The following KDM1B variants were observed in gnomAD, a reference collection of about 807,000 sequenced individuals.
KDM1B encodes lysine-specific histone demethylase 2.
A neutral mutation model predicts 107.4 loss-of-function variants in KDM1B; 63 were observed. The observed-to-expected ratio is 0.59, with a 90% CI of 0.48 to 0.72. The LOEUF is 0.72. Among genes scored for constraint, KDM1B ranks in the 30% least tolerant of loss-of-function variants. KDM1B has a pLI of 0.00. For synonymous variants in KDM1B, 363 were observed against 363.9 expected, an observed-to-expected ratio of 1.00 and a Z score of 0.03; for missense variants, 749 against 1,020.8, an observed-to-expected ratio of 0.73 and a Z score of 3.63.
Position 18,211,628 on chromosome 6 carries a change from G to A in KDM1B, c.1867-860G>A, listed in dbSNP as rs1278550673. On this transcript the variant is annotated intron_variant, in intron 17 of 21. Coordinates refer to ENST00000650836, the MANE Select transcript of KDM1B (RefSeq NM_001364614.2). This position sits in a 1 kb window ranked among gnomAD's most constrained non-coding sequence, Gnocchi z 5.2. ...GTGGTTCTGTATGTGGCATGATTCTGGAGCTGGCAGTAGTAGTAATGGCGT... is the reference window on the plus strand; with the variant it reads ...GTGGTTCTGTATGTGGCATGATTCTAGAGCTGGCAGTAGTAGTAATGGCGT... The A allele has an allele frequency of 6.6e-6, 1 of 152,322 alleles. No individual in the cohort carries two copies. Among genetic ancestry groups the A allele is most frequent in the Non-Finnish European group, 1.5e-5 (1 of 68,088 alleles). The allele number at this position is 152,322 out of a possible 1,614,324, so 9.4% of individuals were successfully genotyped here.
At chr6:18,219,656 G>A (rs1394924513) in intron 21 of KDM1B, among the ~76,000 whole-genome samples, 1 of 152,114 alleles carries the variant, frequency 6.6e-6, no homozygotes, top group Non-Finnish European at 1.5e-5. Flanking sequence ...CTTATTTTGT[G>A]TGCTGCAGTC....
Position 18,171,446 on chromosome 6 carries a change from T to C in KDM1B, c.501T>C (p.Tyr167=), listed in dbSNP as rs778182992. The C allele has an allele frequency of 1.1e-5, 17 of 1,612,260 alleles. No individual in the cohort carries two copies. The South Asian group carries it at 1.5e-4, about 15-fold the overall frequency. Residue 167 remains tyrosine, a synonymous_variant, in exon 7 of 22, where the codon TAT becomes TAC. Coordinates refer to ENST00000650836, the MANE Select transcript of KDM1B (RefSeq NM_001364614.2). The part of the protein sequence containing the change: ...IQLTPQIAKT[Y]RCGMKPNTAI... ...TTACTCCACAGATAGCCAAGACTTA[T>C]CGATGCGGTATGAAACCAAATACTG... is the stretch of plus-strand genomic sequence containing the variant.
rs766165286 is a variant in KDM1B, at chr6:18,200,422, ACTGT to A, written c.1222-10_1222-7del. ...TCTTGTGTCCTATTTAGCTTCCCTGACTGTCTGTCTTTTTAGGTGACTGTCCTGG... is the reference window on the plus strand; with the variant it reads ...TCTTGTGTCCTATTTAGCTTCCCTGACTGTCTTTTTAGGTGACTGTCCTGG... On this transcript the variant is annotated splice_polypyrimidine_tract_variant and intron_variant, in intron 12 of 21. Transcript: ENST00000650836. This position sits in a 1 kb window ranked among gnomAD's most constrained non-coding sequence, Gnocchi z 4.3. The A allele has an allele frequency of 1.1e-5, 18 of 1,612,112 alleles. No homozygotes were observed. Among genetic ancestry groups the A allele is most frequent in the African/African-American group, 2.7e-5 (2 of 74,840 alleles).
At chr6:18,193,052 G>A (rs1418569681) in intron 10 of KDM1B, among the ~76,000 whole-genome samples, 1 of 151,500 alleles carries the variant, frequency 6.6e-6, no homozygotes, top group Non-Finnish European at 1.5e-5. Context: ...TAATTAGCTG[G>A]AGGTGGTGCT....
chr6:18,170,921 T>C (rs191033799), intron 6 of KDM1B, among the ~76,000 whole-genome samples: 2,157 of 150,548 alleles, frequency 0.014, 40 homozygotes, highest in African/African-American at 0.048. Context: ...CCCGGGTTCA[T>C]GCCATTCTCC....
intron 9 of KDM1B, among the ~76,000 whole-genome samples, chr6:18,189,740 A>G (rs1273276803): frequency 6.6e-6 from 1 of 152,218 alleles, no homozygotes; most frequent in Non-Finnish European, 1.5e-5. Context: ...AGACACAGAA[A>G]TAAGGATAAA....
Position 18,205,008 on chromosome 6 carries a change from T to A in KDM1B, c.1532-529T>A, listed in dbSNP as rs1448373082. Among the ~76,000 whole-genome samples, 1 of 152,200 alleles carries A rather than the reference T, an allele frequency of 6.6e-6. No homozygotes were observed. The highest frequency in any genetic ancestry group is 1.9e-4 in the East Asian group (1 of 5,192). The stretch of plus-strand genomic sequence containing the variant: ...CATAGGCAACCAGTAATTGTAGATA[T>A]GGAGGCGGAGTGCTGACAAGATACA... On this transcript the variant is annotated intron_variant, in intron 14 of 21. Coordinates refer to ENST00000650836, the MANE Select transcript of KDM1B (RefSeq NM_001364614.2). The surrounding 1 kb of genome is among the most constrained non-coding windows in gnomAD (Gnocchi z 5.7).
chr6:18,157,269 A>C (rs1033195430), intron 2 of KDM1B, among the ~76,000 whole-genome samples: 2 of 152,220 alleles, frequency 1.3e-5, no homozygotes, highest in Non-Finnish European at 2.9e-5. Context: ...CTGAGAATGG[A>C]TTCATATAAC....
chr6:18,195,271 C>A (rs1013740102), intron 10 of KDM1B, among the ~76,000 whole-genome samples: 4 of 152,022 alleles, frequency 2.6e-5, no homozygotes, highest in Non-Finnish European at 4.4e-5. Flanking sequence ...GTTTTCAGTT[C>A]TTTTTGGTAT....
rs565773256 is a variant in KDM1B at position 18,201,262 on chromosome 6, T to G, written c.1360-224T>G. Among the ~76,000 whole-genome samples, 10 of 152,342 alleles carry G rather than the reference T, an allele frequency of 6.6e-5. No homozygotes were observed. The highest frequency in any genetic ancestry group is 2.0e-4 in the Admixed American group (3 of 15,296). ...ACAATGGGCATGGCGTAGGAGCTGT[T>G]GCTGCCCCTCTCACATTCTCATCAA... On this transcript the variant is annotated intron_variant, in intron 13 of 21. Coordinates refer to ENST00000650836, the MANE Select transcript of KDM1B (RefSeq NM_001364614.2). This position sits in a 1 kb window ranked among gnomAD's most constrained non-coding sequence, Gnocchi z 4.3.
chr6:18,188,224 A>G (rs1197550014), intron 9 of KDM1B, among the ~76,000 whole-genome samples: 1 of 152,212 alleles, frequency 6.6e-6, no homozygotes, highest in Non-Finnish European at 1.5e-5. Context: ...GTCTCTAAAA[A>G]TAAATAAATA....
chr6:18,212,340 G>A lies in KDM1B; in HGVS notation c.1867-148G>A, dbSNP rs527810996. On this transcript the variant is annotated intron_variant, in intron 17 of 21. Transcript: ENST00000650836. This position sits in a 1 kb window ranked among gnomAD's most constrained non-coding sequence, Gnocchi z 5.2. ...TGCCACTTCTGCTTAGCCAGGCATT[G>A]GCACCCTTGTGCAGTGAGCAACCTG... The A allele has an allele frequency of 2.3e-3, 1,571 of 678,036 alleles. 7 individuals are homozygous for A. The highest frequency in any genetic ancestry group is 3.5e-3 in the Non-Finnish European group (1,307 of 375,524). 42.0% of individuals were successfully genotyped at this position (678,036 alleles called of 1,614,324 possible). A position where few individuals can be genotyped will look rare whatever the true frequency, so the allele number is the denominator to read the frequency against.
chr6:18,206,801 A>G (rs1788404805), intron 15 of KDM1B, among the ~76,000 whole-genome samples: 1 of 152,060 alleles, frequency 6.6e-6, no homozygotes, highest in African/African-American at 2.4e-5. Context: ...AGTCGGAAAC[A>G]CTGCTCTCGA....
chr6:18,180,620 C>T (rs766749651), intron 7 of KDM1B, among the ~76,000 whole-genome samples: 3 of 152,122 alleles, frequency 2.0e-5, no homozygotes, highest in South Asian at 2.1e-4. Context: ...GGCTGGAGTG[C>T]GGTGACACCA....
intron 6 of KDM1B, among the ~76,000 whole-genome samples, chr6:18,167,939 C>A (rs1260761055): frequency 6.6e-6 from 1 of 151,614 alleles, no homozygotes; most frequent in Admixed American, 6.6e-5. Context: ...TTTGTTAATT[C>A]TTTATAGAGA....
chr6:18,216,170 C>G (rs904732360), intron 20 of KDM1B, among the ~76,000 whole-genome samples: 1 of 152,242 alleles, frequency 6.6e-6, no homozygotes, highest in African/African-American at 2.4e-5. Flanking sequence ...ACCTCCACCT[C>G]CCGGGTTCAA....
At chr6:18,169,667 T>C (rs1785530570) in intron 6 of KDM1B, among the ~76,000 whole-genome samples, 1 of 152,174 alleles carries the variant, frequency 6.6e-6, no homozygotes, top group African/African-American at 2.4e-5. Context: ...TATCTGTTTT[T>C]TTCTTTTGTT....
chr6:18,179,850 C>CT (rs67156330), intron 7 of KDM1B, among the ~76,000 whole-genome samples: 61 of 9,640 alleles, frequency 6.3e-3, no homozygotes, highest in African/African-American at 8.9e-3. Flanking sequence ...GTTTTTTTTC[C>CT]TTTTTTTTTT....
intron 7 of KDM1B, among the ~76,000 whole-genome samples, chr6:18,180,063 G>A (rs933129482): frequency 6.7e-5 from 10 of 149,574 alleles, no homozygotes; most frequent in African/African-American, 2.0e-4. Flanking sequence ...TAATAGAGAC[G>A]GGGTTTTGCT....
Sources: gnomAD v4.1 joint callset for allele counts (sites outside exome capture counted in the v4.1 genomes callset) on GRCh38, gnomAD v4.1.1 for gene constraint, Gnocchi (gnomAD v3.1) non-coding constraint, MANE v1.5 for transcripts, NCBI Gene and HGNC (gene_info 2026-07-23, HGNC 2026-07-21) for gene names.